ADCY9: variants seen among roughly 807,000 people sequenced by gnomAD.
ADCY9 encodes the protein adenylate cyclase 9.
Under a neutral mutation model 101.5 loss-of-function variants are expected in ADCY9, and 50 were observed. The ratio of observed to expected loss-of-function variants is 0.49; its 90% CI spans 0.39 to 0.62. The LOEUF (loss-of-function observed/expected upper bound fraction) is 0.62, where lower values mean the gene tolerates loss of function less well. ADCY9 is among the 20% of genes least tolerant of loss of function. The probability of loss-of-function intolerance (pLI) is 0.00; values close to 1 mark genes in which losing one functional copy is unlikely to be tolerated. For synonymous variants in ADCY9, 905 were observed against 769.3 expected, an observed-to-expected ratio of 1.18 and a Z score of -2.92; for missense variants, 1,662 against 1,800.4, an observed-to-expected ratio of 0.92 and a Z score of 1.39.
intron 2 of ADCY9, among the ~76,000 whole-genome samples, chr16:4,026,262 T>G (rs900662346): frequency 1.3e-5 from 2 of 151,820 alleles, no homozygotes; most frequent in Admixed American, 1.3e-4. Flanking sequence ...CTGTCTCTAC[T>G]AAAAATACAA....
At chr16:4,016,357 C>G (rs943624295) in intron 2 of ADCY9, among the ~76,000 whole-genome samples, 1 of 152,206 alleles carries the variant, frequency 6.6e-6, no homozygotes, top group Non-Finnish European at 1.5e-5. Context: ...AGAACTGAAA[C>G]AGACCACCAG....
chr16:3,979,001 C>T, intron 8 of ADCY9, 115 bp downstream of exon 8: 2 of 1,361,630 alleles, frequency 1.5e-6, no homozygotes, highest in Non-Finnish European at 2.0e-6. Flanking sequence ...AGGCGTGAGC[C>T]ACCATGCCTG....
chr16:4,025,503 C>T (rs894446117), intron 2 of ADCY9, among the ~76,000 whole-genome samples: 1 of 152,116 alleles, frequency 6.6e-6, no homozygotes, highest in East Asian at 1.9e-4. Flanking sequence ...GGGAGAGGTG[C>T]GTTTGGGCGG....
chr16:4,047,823 T>G (rs148572285), intron 2 of ADCY9, among the ~76,000 whole-genome samples: 3,175 of 152,264 alleles, frequency 0.021, 121 homozygotes, highest in African/African-American at 0.072. Flanking sequence ...CCTCCCAAAG[T>G]GCTGGGATTA....
intron 2 of ADCY9, among the ~76,000 whole-genome samples, chr16:4,061,201 C>A (rs2056771663): frequency 6.6e-6 from 1 of 151,844 alleles, no homozygotes; most frequent in African/African-American, 2.4e-5. Context: ...ATAAAAAGAA[C>A]CTCAGAAACA....
intron 3 of ADCY9, among the ~76,000 whole-genome samples, chr16:3,996,121 G>C (rs1296264549): frequency 2.0e-5 from 3 of 152,160 alleles, no homozygotes; most frequent in Admixed American, 6.5e-5. Context: ...AGAACTTTGG[G>C]AGGCCGAAGC....
intron 2 of ADCY9, among the ~76,000 whole-genome samples, chr16:4,062,999 G>A (rs567413366): frequency 7.2e-5 from 11 of 152,236 alleles, no homozygotes; most frequent in East Asian, 1.9e-4. Context: ...CCAACCTGAC[G>A]TAACTAACAT....
chr16:4,060,458 G>A (rs2056768032), intron 2 of ADCY9, among the ~76,000 whole-genome samples: 1 of 152,164 alleles, frequency 6.6e-6, no homozygotes. Flanking sequence ...TATAATATAT[G>A]CCTGAATTCT....
chr16:4,000,278 C>T (rs953567902), intron 3 of ADCY9, among the ~76,000 whole-genome samples: 1 of 152,216 alleles, frequency 6.6e-6, no homozygotes, highest in Non-Finnish European at 1.5e-5. Context: ...GACACTGAGA[C>T]AGAGCAAGCA....
intron 2 of ADCY9, among the ~76,000 whole-genome samples, chr16:4,075,166 G>C (rs1159182702): frequency 8.7e-6 from 1 of 114,774 alleles, no homozygotes; most frequent in Non-Finnish European, 2.0e-5. Context: ...GACAAGGTGA[G>C]ACCTGTTACT....
At chr16:3,998,396 G>A (rs528960552) in intron 3 of ADCY9, among the ~76,000 whole-genome samples, 2 of 151,914 alleles carry the variant, frequency 1.3e-5, no homozygotes, top group Non-Finnish European at 2.9e-5. Flanking sequence ...GGGTCATAGA[G>A]CAAGACCTTG....
intron 5 of ADCY9, among the ~76,000 whole-genome samples, chr16:3,954,232 G>A (rs2055896046): frequency 6.6e-6 from 1 of 152,222 alleles, no homozygotes; most frequent in Non-Finnish European, 1.5e-5. Context: ...GCTGGGAGCT[G>A]AGCTTTGCAG....
chr16:3,979,502 GT>G (rs1410125600), intron 7 of ADCY9, among the ~76,000 whole-genome samples: 1 of 152,240 alleles, frequency 6.6e-6, no homozygotes, highest in Non-Finnish European at 1.5e-5. Context: ...CACATGTTGC[GT>G]TGTGATAAAA....
intron 6 of ADCY9, among the ~76,000 whole-genome samples, chr16:3,985,201 G>A (rs1288198861): frequency 2.0e-5 from 3 of 147,832 alleles, no homozygotes; most frequent in Admixed American, 1.4e-4. Flanking sequence ...GTGCAGTGGC[G>A]CGATCTTGGC....
At chr16:4,094,966 G>A (rs1176582957) in intron 2 of ADCY9, among the ~76,000 whole-genome samples, 1 of 150,542 alleles carries the variant, frequency 6.6e-6, no homozygotes, top group Admixed American at 6.6e-5. Context: ...ATAAATCTTT[G>A]ACAAAATCCA....
At chr16:4,086,791 C>G (rs1209433172) in intron 2 of ADCY9, among the ~76,000 whole-genome samples, 1 of 152,092 alleles carries the variant, frequency 6.6e-6, no homozygotes, top group Non-Finnish European at 1.5e-5. Flanking sequence ...TCTCTAGTAG[C>G]TGGAATTACA....
chr16:4,002,633 C>G (rs2056338873), intron 3 of ADCY9, among the ~76,000 whole-genome samples: 1 of 152,214 alleles, frequency 6.6e-6, no homozygotes, highest in African/African-American at 2.4e-5. Context: ...TCCAGGGAGG[C>G]CTTTCAGAGA....
rs575307206 is a variant in ADCY9 at position 4,042,716 on chromosome 16, C to T, written c.1694-35158G>A. On this transcript the variant is annotated intron_variant, in intron 2 of 10. Coordinates refer to ENST00000294016, the MANE Select transcript of ADCY9 (RefSeq NM_001116.4). Reference sequence around the variant, plus strand: ...AAAAATCCTGCAAAACGGAGCTAGACCAGCGCTGACATGAAAATCCAACAG... The same window carrying T: ...AAAAATCCTGCAAAACGGAGCTAGATCAGCGCTGACATGAAAATCCAACAG... Among the ~76,000 whole-genome samples the T allele has an allele frequency of 7.9e-5, 12 of 152,298 alleles. No homozygotes were observed. The East Asian group carries it at 2.1e-3, about 27-fold the overall frequency.
intron 2 of ADCY9, among the ~76,000 whole-genome samples, chr16:4,058,882 C>A (rs1269771368): frequency 6.6e-6 from 1 of 151,948 alleles, no homozygotes; most frequent in Non-Finnish European, 1.5e-5. Context: ...GAATTAGAAA[C>A]CTTTGTGGTG....
Sources: gnomAD v4.1 joint callset for allele counts (sites outside exome capture counted in the v4.1 genomes callset) on GRCh38, gnomAD v4.1.1 for gene constraint, MANE v1.5 for transcripts, NCBI Gene and HGNC (gene_info 2026-07-23, HGNC 2026-07-21) for gene names.